DMD: variants seen among roughly 807,000 people sequenced by gnomAD.
DMD encodes the protein mutant dystrophin.
Under a neutral mutation model 330.1 loss-of-function variants are expected in DMD, and 63 were observed. The observed-to-expected ratio is 0.19, with a 90% CI of 0.16 to 0.24. The LOEUF (loss-of-function observed/expected upper bound fraction) is 0.24, where lower values mean the gene tolerates loss of function less well. Ranked by LOEUF, DMD falls within the 10% of genes least tolerant of loss-of-function variation. The pLI is 1.00. For synonymous variants in DMD, 1,223 were observed against 959.8 expected, an observed-to-expected ratio of 1.27 and a Z score of -5.07; for missense variants, 3,344 against 2,684.1, an observed-to-expected ratio of 1.25 and a Z score of -5.43.
At chrX:33,079,495 T>C (rs2094894515) in intron 1 of DMD, among the ~76,000 whole-genome samples, 1 of 111,828 alleles carries the variant, frequency 8.9e-6, no homozygotes, top group South Asian at 3.7e-4. Context: ...ATTAGAATTA[T>C]AGGAGTTTTA....
chrX:32,336,258 C>T (rs754696032), intron 41 of DMD, among the ~76,000 whole-genome samples: 17 of 110,713 alleles, frequency 1.5e-4, no homozygotes, highest in Middle Eastern at 4.8e-3. Context: ...TCAAGTGATC[C>T]GCCCACCTCG....
At chrX:31,271,164 G>A (rs886266749) in intron 62 of DMD, among the ~76,000 whole-genome samples, 3 of 111,647 alleles carry the variant, frequency 2.7e-5, no homozygotes, top group Non-Finnish European at 5.6e-5. Context: ...AGCATTCTCC[G>A]AGCTAGGAAT....
chrX:33,007,400 C>T (rs1208571444), intron 2 of DMD, among the ~76,000 whole-genome samples: 1 of 111,061 alleles, frequency 9.0e-6, no homozygotes, highest in East Asian at 2.8e-4. Flanking sequence ...CCCTCCTTTC[C>T]TTCCTTCAGG....
intron 2 of DMD, among the ~76,000 whole-genome samples, chrX:32,994,711 G>A (rs1414569056): frequency 9.0e-6 from 1 of 111,192 alleles, no homozygotes; most frequent in Non-Finnish European, 1.9e-5. Flanking sequence ...CAAAACATAA[G>A]TTAGTGAGGT....
chrX:32,518,281 C>A, intron 17 of DMD, 150 bp from the exon 18 acceptor site: 1 of 577,994 alleles, frequency 1.7e-6, no homozygotes, highest in Non-Finnish European at 2.7e-6. Context: ...ACTATTTTCC[C>A]TGTTAGGTAG....
intron 7 of DMD, among the ~76,000 whole-genome samples, chrX:32,737,371 G>T: frequency 1.8e-5 from 2 of 110,883 alleles, no homozygotes; most frequent in South Asian, 7.6e-4. Context: ...CTATTTTATG[G>T]TATTTTCTAA....
At chrX:32,979,943 A>G (rs1357455039) in intron 2 of DMD, among the ~76,000 whole-genome samples, 1 of 111,666 alleles carries the variant, frequency 9.0e-6, no homozygotes, top group Non-Finnish European at 1.9e-5. Context: ...TCAGAAAGAG[A>G]TAGCTGTTAA....
intron 50 of DMD, among the ~76,000 whole-genome samples, chrX:31,809,638 A>G (rs2092401617): frequency 9.0e-6 from 1 of 111,182 alleles, no homozygotes; most frequent in East Asian, 2.8e-4. Flanking sequence ...GAAGGAATAA[A>G]CCTTATGAAT....
intron 59 of DMD, among the ~76,000 whole-genome samples, chrX:31,445,230 T>C (rs2065193833): frequency 8.9e-6 from 1 of 111,739 alleles, no homozygotes; most frequent in African/African-American, 3.3e-5. Context: ...ACTGATTTTA[T>C]TTCTACCCAA....
At chrX:31,249,142 C>A (rs1414154026) in intron 63 of DMD, among the ~76,000 whole-genome samples, 3 of 112,226 alleles carry the variant, frequency 2.7e-5, no homozygotes, top group Non-Finnish European at 5.6e-5. Flanking sequence ...AAACCTTCAA[C>A]ATACCATATA....
chrX:31,570,271 C>T (rs1199836859), intron 55 of DMD, among the ~76,000 whole-genome samples: 1 of 111,423 alleles, frequency 9.0e-6, no homozygotes, highest in Non-Finnish European at 1.9e-5. Flanking sequence ...GGGAAGAATA[C>T]CAGAGAGATA....
At chrX:32,849,684 T>G in intron 3 of DMD, 44 bp downstream of exon 3, 2 of 981,136 alleles carry the variant, frequency 2.0e-6, no homozygotes, top group Admixed American at 4.4e-5. Flanking sequence ...GGTCTGAAAT[T>G]CTACTAAGTT....
intron 11 of DMD, among the ~76,000 whole-genome samples, chrX:32,632,323 G>A (rs2058786540): frequency 8.9e-6 from 1 of 111,977 alleles, no homozygotes. Flanking sequence ...AGCTTCCAAA[G>A]CTGCTCTTAT....
At chrX:31,155,755 G>A (rs2038035264) in intron 74 of DMD, among the ~76,000 whole-genome samples, 1 of 111,158 alleles carries the variant, frequency 9.0e-6, no homozygotes, top group South Asian at 3.8e-4. Context: ...TGAGGTGGGA[G>A]GATCACTTGA....
intron 20 of DMD, among the ~76,000 whole-genome samples, chrX:32,487,659 TA>T (rs765789210): frequency 3.6e-5 from 4 of 111,348 alleles, no homozygotes; most frequent in Middle Eastern, 4.7e-3. Context: ...TTATTCTCAT[TA>T]AAAAAACATA....
intron 74 of DMD, among the ~76,000 whole-genome samples, chrX:31,163,321 T>C (rs1417687331): frequency 1.8e-5 from 2 of 111,729 alleles, no homozygotes; most frequent in East Asian, 5.6e-4. Flanking sequence ...CTCCTGCACA[T>C]GCTCTCTTGC....
chrX:31,448,061 C>T (rs1419319432), intron 59 of DMD, among the ~76,000 whole-genome samples: 2 of 104,221 alleles, frequency 1.9e-5, no homozygotes, highest in Non-Finnish European at 3.9e-5. Context: ...TCAGTTTAAT[C>T]TGAATTCCTA....
chrX:31,295,057 C>A (rs1049828419), intron 62 of DMD, among the ~76,000 whole-genome samples: 1 of 111,165 alleles, frequency 9.0e-6, no homozygotes, highest in Non-Finnish European at 1.9e-5. Flanking sequence ...AGTGCAGTAG[C>A]GCGATCTCGG....
intron 29 of DMD, 76 bp downstream of exon 29, chrX:32,438,165 A>C (rs1468503363): frequency 2.8e-6 from 3 of 1,080,452 alleles, no homozygotes; most frequent in Non-Finnish European, 3.8e-6. Context: ...ACTATTGCTC[A>C]TTTTATCTGA....
Sources: gnomAD v4.1 joint callset for allele counts (sites outside exome capture counted in the v4.1 genomes callset) on GRCh38, gnomAD v4.1.1 for gene constraint, MANE v1.5 for transcripts, NCBI Gene and HGNC (gene_info 2026-07-23, HGNC 2026-07-21) for gene names.